The following GAP43 variants were observed in gnomAD, a reference collection of about 807,000 sequenced individuals.
GAP43 encodes neuromodulin.
GAP43 carries 6 observed loss-of-function variants against 18.6 expected under a neutral mutation model. The observed-to-expected ratio is 0.32, with a 90% CI of 0.18 to 0.64. The LOEUF is 0.64. Ranked by LOEUF, GAP43 falls within the 30% of genes least tolerant of loss-of-function variation. The pLI is 0.78. For missense variants in GAP43, 292 were observed against 295.5 expected (o/e 0.99, Z 0.09); for synonymous variants, 115 against 111.4 (o/e 1.03, Z -0.20).
Position 115,647,758 on chromosome 3 carries a change from C to CAAAA in GAP43, c.30+24048_30+24051dup, listed in dbSNP as rs111391501. On this transcript the variant is annotated intron_variant, in intron 1 of 2. Transcript: ENST00000305124. Reference sequence around the variant, plus strand: ...ACAAAAACAAAACAAAACAAAAAAACAAAAAAAAAAAACGGCCTGATAGGG... The same window carrying CAAAA: ...ACAAAAACAAAACAAAACAAAAAAACAAAAAAAAAAAAAAAACGGCCTGATAGGG... Among the ~76,000 whole-genome samples the CAAAA allele has an allele frequency of 5.6e-3, 745 of 132,102 alleles. 7 individuals are homozygous for CAAAA. Among genetic ancestry groups the CAAAA allele is most frequent in the Non-Finnish European group, 8.9e-3 (548 of 61,234 alleles). 86.7% of individuals were successfully genotyped at this position (132,102 alleles called of 152,430 possible).
In GAP43 at chr3:115,644,851, C is replaced by T. The variant is rs1417175685; in HGVS notation, c.30+21132C>T. 6.6e-6 allele frequency among the ~76,000 whole-genome samples: 1 copy of T among 152,088 alleles called. No homozygotes were observed. The highest frequency in any genetic ancestry group is 2.4e-5 in the African/African-American group (1 of 41,434). On this transcript the variant is annotated intron_variant, in intron 1 of 2. Coordinates refer to ENST00000305124, the MANE Select transcript of GAP43 (RefSeq NM_002045.4). The surrounding 1 kb of genome is among the most constrained non-coding windows in gnomAD (Gnocchi z 4.2). Reference sequence around the variant, plus strand: ...ATCAAAACCCAATGCCCCTGGCATTCTCAAAGCTGGATCATCAGAGGTTTC... The same window carrying T: ...ATCAAAACCCAATGCCCCTGGCATTTTCAAAGCTGGATCATCAGAGGTTTC...
intron 2 of GAP43, among the ~76,000 whole-genome samples, chr3:115,714,873 GCACACACACACA>G (rs111292409): frequency 9.3e-5 from 14 of 150,490 alleles, no homozygotes; most frequent in African/African-American, 2.9e-4. Context: ...GTGTGCGCGT[GCACACACACACA>G]CACACACACA....
chr3:115,683,141 G>A lies in GAP43; in HGVS notation c.628+6531G>A, dbSNP rs1373383670. The stretch of plus-strand genomic sequence containing the variant: ...CATACATGTGCGCGCGCGTGCGCGC[G>A]CGCGCGCACACACACACACACACAC... On this transcript the variant is annotated intron_variant, in intron 2 of 2. Transcript: ENST00000305124. Among the ~76,000 whole-genome samples, 1,068 of 121,236 alleles carry A rather than the reference G, an allele frequency of 8.8e-3. 9 individuals are homozygous for A. The highest frequency in any genetic ancestry group is 0.027 in the South Asian group (102 of 3,722). 79.5% of individuals were successfully genotyped at this position (121,236 alleles called of 152,430 possible). A position where few individuals can be genotyped will look rare whatever the true frequency, so the allele number is the denominator to read the frequency against.
chr3:115,698,925 C>A (rs76128920), intron 2 of GAP43, among the ~76,000 whole-genome samples: 5 of 152,078 alleles, frequency 3.3e-5, no homozygotes, highest in African/African-American at 1.2e-4. Flanking sequence ...CCAACCCTTA[C>A]GTATGACAAC....
At chr3:115,709,929 T>C (rs1282622473) in intron 2 of GAP43, among the ~76,000 whole-genome samples, 2 of 152,100 alleles carry the variant, frequency 1.3e-5, no homozygotes, top group Non-Finnish European at 2.9e-5. Context: ...TTTTCCAGTT[T>C]ATGGCTCGAT....
intron 2 of GAP43, among the ~76,000 whole-genome samples, chr3:115,688,724 A>G (rs1201901572): frequency 1.3e-5 from 2 of 152,180 alleles, no homozygotes; most frequent in Non-Finnish European, 2.9e-5. Flanking sequence ...ACGTGACACA[A>G]TTCAGCTGGG....
chr3:115,686,920 G>C (rs1009122696), intron 2 of GAP43, among the ~76,000 whole-genome samples: 12 of 152,156 alleles, frequency 7.9e-5, no homozygotes, highest in Non-Finnish European at 1.8e-4. Flanking sequence ...GGAACATTGT[G>C]AAACAATGTC....
intron 2 of GAP43, among the ~76,000 whole-genome samples, chr3:115,683,126 C>CACGCGT (rs1708977784): frequency 3.5e-5 from 1 of 28,624 alleles, no homozygotes; most frequent in African/African-American, 7.1e-5. Context: ...CATACATGTG[C>CACGCGT]GCGCGCGTGC....
chr3:115,667,040 T>G (rs1480722283), intron 1 of GAP43, among the ~76,000 whole-genome samples: 1 of 152,104 alleles, frequency 6.6e-6, no homozygotes, highest in African/African-American at 2.4e-5. Flanking sequence ...ACCCAGCCAG[T>G]GAGCTGAGTG....
intron 2 of GAP43, among the ~76,000 whole-genome samples, chr3:115,700,397 C>A (rs1267260069): frequency 1.3e-5 from 2 of 152,114 alleles, no homozygotes; most frequent in Non-Finnish European, 2.9e-5. Flanking sequence ...GCATTCCAAT[C>A]CAGAGCAAAG....
chr3:115,650,233 C>A (rs888956303), intron 1 of GAP43, among the ~76,000 whole-genome samples: 2 of 152,134 alleles, frequency 1.3e-5, no homozygotes, highest in Non-Finnish European at 2.9e-5. Flanking sequence ...CCTCACAGGG[C>A]TCCCTTCGCT....
intron 1 of GAP43, among the ~76,000 whole-genome samples, chr3:115,652,977 T>C (rs1208113082): frequency 6.6e-6 from 1 of 152,182 alleles, no homozygotes; most frequent in Non-Finnish European, 1.5e-5. Flanking sequence ...AAGAGGAAGT[T>C]ACCAGCCAAA....
At chr3:115,639,028 A>C (rs1559789424) in intron 1 of GAP43, among the ~76,000 whole-genome samples, 8 of 152,066 alleles carry the variant, frequency 5.3e-5, no homozygotes. Context: ...ATGGTTTCTC[A>C]TTAAATTTGA....
At chr3:115,687,695 G>A (rs1027096447) in intron 2 of GAP43, among the ~76,000 whole-genome samples, 6 of 152,058 alleles carry the variant, frequency 3.9e-5, no homozygotes, top group East Asian at 1.9e-4. Flanking sequence ...GTCCTATCTC[G>A]CAATCCCCTA....
intron 2 of GAP43, among the ~76,000 whole-genome samples, chr3:115,709,844 CATAT>C (rs149885836): frequency 8.2e-4 from 121 of 147,614 alleles, no homozygotes; most frequent in East Asian, 2.0e-3. Flanking sequence ...CATGAACATA[CATAT>C]ATATATATAT....
At chr3:115,719,282 G>A (rs1709548408) in intron 2 of GAP43, among the ~76,000 whole-genome samples, 1 of 151,762 alleles carries the variant, frequency 6.6e-6, no homozygotes, top group Admixed American at 6.6e-5. Context: ...AAAAAAAACA[G>A]TTAATACAGT....
intron 1 of GAP43, among the ~76,000 whole-genome samples, chr3:115,659,798 C>G (rs967217251): frequency 1.3e-5 from 2 of 152,072 alleles, no homozygotes; most frequent in African/African-American, 4.8e-5. Context: ...TTAGAACCTT[C>G]CCTCTCTGTT....
chr3:115,623,572 G>A lies in GAP43; in HGVS notation c.-118G>A. ...AGAGAGGGAGGGAGGGAGAGAGAGC[G>A]CGCTAGCGCGAGAGAGCGAGTGAGC... On this transcript the variant is annotated 5_prime_UTR_variant, in exon 1 of 3. Transcript: ENST00000305124. 3 of 1,329,732 alleles carry A rather than the reference G, an allele frequency of 2.3e-6. No individual in the cohort carries two copies. Among genetic ancestry groups the A allele is most frequent in the Non-Finnish European group, 3.2e-6 (3 of 938,556 alleles). The allele number at this position is 1,329,732 out of a possible 1,614,324, so 82.4% of individuals were successfully genotyped here.
At chr3:115,695,410 C>T (rs1324467424) in intron 2 of GAP43, among the ~76,000 whole-genome samples, 1 of 152,030 alleles carries the variant, frequency 6.6e-6, no homozygotes, top group African/African-American at 2.4e-5. Flanking sequence ...TTCCAAGGAC[C>T]CCAACTTTTT....
Sources: gnomAD v4.1 joint callset for allele counts (sites outside exome capture counted in the v4.1 genomes callset) on GRCh38, gnomAD v4.1.1 for gene constraint, Gnocchi (gnomAD v3.1) non-coding constraint, MANE v1.5 for transcripts, NCBI Gene and HGNC (gene_info 2026-07-23, HGNC 2026-07-21) for gene names.